The following POLB variants were observed in gnomAD, a reference collection of about 807,000 sequenced individuals.
The protein encoded by POLB is 5'-dRP lyase.
In POLB, 37 loss-of-function variants were observed where a neutral mutation model predicts 52.7. The ratio of observed to expected loss-of-function variants is 0.70; its 90% CI spans 0.54 to 0.92. The LOEUF (loss-of-function observed/expected upper bound fraction) is 0.92. POLB is among the 40% of genes least tolerant of loss of function. The pLI is 0.00. For synonymous variants in POLB, 138 were observed against 131.3 expected (o/e 1.05, Z -0.35); for missense variants, 313 against 400.8 (o/e 0.78, Z 1.87).
chr8:42,371,202 C>T (rs1585928089), intron 13 of POLB, among the ~76,000 whole-genome samples: 1 of 152,198 alleles, frequency 6.6e-6, no homozygotes. Flanking sequence ...CGGCTCACTG[C>T]AACCTCTGCC....
At chr8:42,342,748 A>G (rs1047836510) in intron 2 of POLB, 2 of 342,336 alleles carry the variant, frequency 5.8e-6, no homozygotes, top group African/African-American at 4.2e-5. Context: ...TAATCCCACC[A>G]CTTTGGGATG....
At chr8:42,349,166 G>T in intron 4 of POLB, 76 bp downstream of exon 4, 1 of 789,498 alleles carries the variant, frequency 1.3e-6, no homozygotes, top group South Asian at 1.6e-5. Context: ...ATTGCAGGGT[G>T]ACCAATGTCA....
At position 42,369,291 on chromosome 8, in the gene POLB, TA is replaced by T; in HGVS notation, c.734del (p.Asn245MetfsTer15). ...KFMGVCQLPS[K>X]NDEKEYPHRR... is the part of the protein sequence containing the mutation. Reference sequence around the variant, plus strand: ...TTTAGGGTGTTTGCCAGCTTCCCAGTAAAAATGATGAAAAAGAATATCCACA... The same window carrying T: ...TTTAGGGTGTTTGCCAGCTTCCCAGTAAAATGATGAAAAAGAATATCCACA... On this transcript the variant is annotated frameshift_variant, in exon 12 of 14. Transcript: ENST00000265421. LOFTEE classifies it high-confidence loss of function. 1 of 1,588,596 alleles carries T rather than the reference TA, an allele frequency of 6.3e-7. No homozygotes were observed. The highest frequency in any genetic ancestry group is 8.6e-7 in the Non-Finnish European group (1 of 1,158,058).
In POLB at chr8:42,344,963, T is replaced by G; in HGVS notation, c.130T>G (p.Ser44Ala). Residue 44 changes from serine to alanine, a missense_variant, in exon 3 of 14, where the codon TCT becomes GCT. Ser to Ala is a moderately conservative substitution (Grantham distance 99, BLOSUM62 1). This residue lies in a region of POLB where 54 missense variants were observed against 63.4 expected (regional missense o/e 0.85). Coordinates refer to ENST00000265421, the MANE Select transcript of POLB (RefSeq NM_002690.3). ...CTTCTTTCCTTATAGAAAAGCAGCATCTGTTATAGCAAAATACCCACACAA... is the reference window on the plus strand; with the variant it reads ...CTTCTTTCCTTATAGAAAAGCAGCAGCTGTTATAGCAAAATACCCACACAA... ...HKYNAYRKAA[S>A]VIAKYPHKIK... 6.2e-7 allele frequency: 1 copy of G among 1,600,908 alleles called. No individual in the cohort carries two copies. The highest frequency in any genetic ancestry group is 8.6e-7 in the Non-Finnish European group (1 of 1,168,174).
intron 9 of POLB, chr8:42,357,626 A>T: frequency 2.3e-6 from 1 of 427,374 alleles, no homozygotes; most frequent in Non-Finnish European, 4.1e-6. Flanking sequence ...CGTTTATTAA[A>T]TGACTTTAAG....
Position 42,338,701 on chromosome 8 carries a change from G to A in POLB, c.61+16G>A. ...ATGCTCACAGGTTAGCACCGGGCCG[G>A]GCCCCGCTGGCTTTCTTCTTTCCTT... On this transcript the variant is annotated intron_variant, in intron 1 of 13. Coordinates refer to ENST00000265421, the MANE Select transcript of POLB (RefSeq NM_002690.3). 6.2e-7 allele frequency: 1 copy of A among 1,612,108 alleles called. No homozygotes were observed. The highest frequency in any genetic ancestry group is 1.3e-5 in the African/African-American group (1 of 75,040).
chr8:42,361,621 CTGTCTGTGATAAATACTTTA>C (rs1823693270), intron 10 of POLB: 1 of 407,478 alleles, frequency 2.5e-6, no homozygotes, highest in South Asian at 3.5e-5. Context: ...GAACGATTTA[CTGTCTGTGATAAATACTTTA>C]GAAATACTAT....
intron 6 of POLB, among the ~76,000 whole-genome samples, chr8:42,353,764 A>G (rs1823130986): frequency 6.6e-6 from 1 of 152,168 alleles, no homozygotes; most frequent in African/African-American, 2.4e-5. Flanking sequence ...CACCTCCACT[A>G]CTTTATTAGA....
intron 9 of POLB, chr8:42,361,057 G>T: frequency 1.5e-6 from 1 of 655,628 alleles, no homozygotes; most frequent in Non-Finnish European, 2.8e-6. Flanking sequence ...CTCGTTGTAT[G>T]CAATGTATAT....
chr8:42,338,521 G>T lies in POLB; in HGVS notation c.-104G>T. ...TGTTCCGCCGGTCGCGCCGGAGCTG[G>T]GTTGCTCCTGCTCCCGTCTCCAAGT... On this transcript the variant is annotated 5_prime_UTR_variant, in exon 1 of 14. Coordinates refer to ENST00000265421, the MANE Select transcript of POLB (RefSeq NM_002690.3). 2.0e-6 allele frequency: 2 copies of T among 1,007,410 alleles called. No homozygotes were observed. The highest frequency in any genetic ancestry group is 3.2e-6 in the Non-Finnish European group (2 of 633,038). 62.4% of individuals were successfully genotyped at this position (1,007,410 alleles called of 1,614,324 possible).
chr8:42,365,417 C>T (rs560083024), intron 11 of POLB, among the ~76,000 whole-genome samples: 5 of 152,202 alleles, frequency 3.3e-5, no homozygotes, highest in Non-Finnish European at 7.4e-5. Flanking sequence ...CCATGAACAG[C>T]CTTTTCAAAT....
At chr8:42,344,861 A>T in intron 2 of POLB, 92 bp from the exon 3 acceptor site, 1 of 781,782 alleles carries the variant, frequency 1.3e-6, no homozygotes, top group South Asian at 1.5e-5. Context: ...AAGCATAAGC[A>T]TAGATATTTG....
rs9918813 is a variant in POLB, at chr8:42,354,359, A to G, written c.371-1157A>G. On this transcript the variant is annotated intron_variant, in intron 6 of 13. Transcript: ENST00000265421. ...AGGGAATGTGTATATTTGTGGCTAT[A>G]AGGGGGCTTGTAGGAATTGCTTTTG... is the stretch of plus-strand genomic sequence containing the variant. 3.6e-4 allele frequency: 234 copies of G among 648,352 alleles called. 1 individual carries two copies. In the African/African-American group the frequency reaches 3.7e-3, roughly 10 times the overall value. The allele number at this position is 648,352 out of a possible 1,614,324, so 40.2% of individuals were successfully genotyped here. A position where few individuals can be genotyped will look rare whatever the true frequency, so the allele number is the denominator to read the frequency against.
At chr8:42,362,735 A>C (rs1585910544) in intron 11 of POLB, 37 bp downstream of exon 11, 7 of 1,116,018 alleles carry the variant, frequency 6.3e-6, no homozygotes, top group Non-Finnish European at 9.5e-6. Context: ...CTAAAAAAAA[A>C]CTTGGAGACT....
chr8:42,360,314 C>T (rs978467125), intron 9 of POLB, among the ~76,000 whole-genome samples: 1 of 151,988 alleles, frequency 6.6e-6, no homozygotes, highest in Non-Finnish European at 1.5e-5. Context: ...CTTGTAATCC[C>T]AGCACTTTGG....
At chr8:42,364,233 T>G (rs916006707) in intron 11 of POLB, among the ~76,000 whole-genome samples, 1 of 151,870 alleles carries the variant, frequency 6.6e-6, no homozygotes, top group African/African-American at 2.4e-5. Context: ...AGCCTAGAAT[T>G]AAGATTCTTA....
chr8:42,345,016 A>G lies in POLB; in HGVS notation c.183A>G (p.Lys61=). The G allele has an allele frequency of 3.7e-6, 6 of 1,605,694 alleles. No homozygotes were observed. Among genetic ancestry groups the G allele is most frequent in the Non-Finnish European group, 5.1e-6 (6 of 1,172,386 alleles). Residue 61 remains lysine, a synonymous_variant, in exon 3 of 14, where the codon AAA becomes AAG. Transcript: ENST00000265421. ...TAAAGAGTGGAGCTGAAGCTAAGAA[A>G]TTGGTAAGTTTAGTTAGCATGTTGA... is the stretch of plus-strand genomic sequence containing the variant. ...HKIKSGAEAK[K]LPGVGTKIAE...
chr8:42,344,542 G>A (rs1279129975), intron 2 of POLB, among the ~76,000 whole-genome samples: 1 of 151,738 alleles, frequency 6.6e-6, no homozygotes, highest in Non-Finnish European at 1.5e-5. Flanking sequence ...CCATATGGAG[G>A]TAGAAAATTA....
intron 4 of POLB, 44 bp from the exon 5 acceptor site, chr8:42,349,963 C>T (rs3136745): frequency 7.6e-7 from 1 of 1,314,168 alleles, no homozygotes; most frequent in South Asian, 1.2e-5. Context: ...TTTAAGTCCT[C>T]AAAGCATTCC....
Sources: gnomAD v4.1 joint callset for allele counts (sites outside exome capture counted in the v4.1 genomes callset) on GRCh38, gnomAD v4.1.1 for gene constraint, gnomAD v4.1.1 regional missense constraint, MANE v1.5 for transcripts, NCBI Gene and HGNC (gene_info 2026-07-23, HGNC 2026-07-21) for gene names.